The following SHISA9 variants were observed in gnomAD, a reference collection of about 807,000 sequenced individuals.
The protein encoded by SHISA9 is shisa family member 9.
A neutral mutation model predicts 38.0 loss-of-function variants in SHISA9; 13 were observed. The ratio of observed to expected loss-of-function variants is 0.34; its 90% CI spans 0.22 to 0.54. The LOEUF (loss-of-function observed/expected upper bound fraction) is 0.54. SHISA9 is among the 20% of genes least tolerant of loss of function. SHISA9 has a pLI of 0.91. For synonymous variants in SHISA9, 275 were observed against 242.0 expected (o/e 1.14, Z -1.27); for missense variants, 538 against 575.8 (o/e 0.93, Z 0.67).
chr16:13,211,875 G>A (rs1317852557), intron 3 of SHISA9, among the ~76,000 whole-genome samples: 4 of 152,212 alleles, frequency 2.6e-5, no homozygotes, highest in Non-Finnish European at 2.9e-5. Context: ...CATCCACACA[G>A]GAAGAATGGG....
the SHISA9 span, among the ~76,000 whole-genome samples, chr16:13,310,240 A>G: frequency 1.3e-5 from 2 of 152,110 alleles, no homozygotes; most frequent in Non-Finnish European, 2.9e-5. Flanking sequence ...AAGCTTTTCC[A>G]TTCAACTCGT....
intron 2 of SHISA9, among the ~76,000 whole-genome samples, chr16:12,990,944 T>A (rs1352890659): frequency 2.0e-5 from 3 of 152,216 alleles, no homozygotes; most frequent in Non-Finnish European, 4.4e-5. Flanking sequence ...CTTTGAAAGA[T>A]CTTGAAACAC....
At chr16:13,035,786 C>G (rs1031097087) in intron 2 of SHISA9, among the ~76,000 whole-genome samples, 4 of 152,172 alleles carry the variant, frequency 2.6e-5, no homozygotes, top group Admixed American at 6.5e-5. Flanking sequence ...CTGCCAATAA[C>G]TTCCATCATA....
At chr16:12,929,664 G>A (rs997633708) in intron 2 of SHISA9, among the ~76,000 whole-genome samples, 1 of 151,986 alleles carries the variant, frequency 6.6e-6, no homozygotes. Context: ...GAGAGCATCA[G>A]GAAGAAAAGC....
At chr16:13,094,204 T>C (rs2073803475) in intron 2 of SHISA9, among the ~76,000 whole-genome samples, 1 of 152,186 alleles carries the variant, frequency 6.6e-6, no homozygotes, top group Admixed American at 6.5e-5. Context: ...GCTCCTCTGA[T>C]ACGAGTTGTG....
chr16:12,926,577 T>C (rs769345247), intron 2 of SHISA9, among the ~76,000 whole-genome samples: 9 of 152,156 alleles, frequency 5.9e-5, no homozygotes, highest in Non-Finnish European at 1.0e-4. Context: ...AATGGAAAAG[T>C]AATCACGTAA....
chr16:12,934,992 CTGCTGATATGAAT>C (rs60455394), intron 2 of SHISA9, among the ~76,000 whole-genome samples: 40,525 of 151,962 alleles, frequency 0.27, 5,740 homozygotes, highest in Admixed American at 0.36. Context: ...TGGAGCTCTC[CTGCTGATATGAAT>C]TATTCCAACA....
At chr16:13,128,862 A>T (rs1216415396) in intron 2 of SHISA9, among the ~76,000 whole-genome samples, 2 of 152,224 alleles carry the variant, frequency 1.3e-5, no homozygotes, top group African/African-American at 4.8e-5. Context: ...ATGATGGCAC[A>T]GGAACTTGGC....
intron 1 of SHISA9, among the ~76,000 whole-genome samples, chr16:12,903,643 G>A (rs2071052873): frequency 6.6e-6 from 1 of 152,186 alleles, no homozygotes; most frequent in Admixed American, 6.5e-5. Flanking sequence ...GTGAGGTCCG[G>A]GCGGGCGGGG....
chr16:13,365,623 AT>A, the SHISA9 span, among the ~76,000 whole-genome samples: 2 of 151,692 alleles, frequency 1.3e-5, no homozygotes, highest in Non-Finnish European at 1.5e-5. Flanking sequence ...CGCCTGGCTA[AT>A]TTTTTTATAT....
intron 2 of SHISA9, among the ~76,000 whole-genome samples, chr16:13,127,217 G>A (rs2050267735): frequency 7.5e-6 from 1 of 133,924 alleles, no homozygotes; most frequent in South Asian, 2.8e-4. Flanking sequence ...GAGAGGGAAA[G>A]AGAGGGAGGG....
chr16:13,038,931 A>G (rs1334085291), intron 2 of SHISA9, among the ~76,000 whole-genome samples: 1 of 152,148 alleles, frequency 6.6e-6, no homozygotes, highest in East Asian at 1.9e-4. Flanking sequence ...ATTTTTTGAG[A>G]CAGAGTCTCA....
intron 2 of SHISA9, among the ~76,000 whole-genome samples, chr16:12,948,494 T>G (rs780054822): frequency 2.6e-5 from 4 of 152,194 alleles, no homozygotes; most frequent in Non-Finnish European, 4.4e-5. Context: ...ATACCATGAT[T>G]GAGTAGCTCA....
At chr16:12,997,840 A>G (rs1411722830) in intron 2 of SHISA9, among the ~76,000 whole-genome samples, 1 of 152,224 alleles carries the variant, frequency 6.6e-6, no homozygotes. Context: ...ACATTTGTAC[A>G]TAACTTGTTC....
chr16:13,323,718 G>C, the SHISA9 span, among the ~76,000 whole-genome samples: 72 of 152,254 alleles, frequency 4.7e-4, no homozygotes, highest in Admixed American at 1.3e-3. Context: ...TCGAGCAAAG[G>C]GGGGAAGAGC....
chr16:13,026,085 G>A (rs932216307), intron 2 of SHISA9, among the ~76,000 whole-genome samples: 2 of 152,200 alleles, frequency 1.3e-5, no homozygotes, highest in Admixed American at 6.5e-5. Context: ...GATTACAGGC[G>A]TGAGCCACCG....
chr16:13,122,670 T>C (rs144368549), intron 2 of SHISA9, among the ~76,000 whole-genome samples: 128 of 152,360 alleles, frequency 8.4e-4, no homozygotes, highest in African/African-American at 3.0e-3. Context: ...AGACTGTCTG[T>C]TGTGCCAGGC....
chr16:13,263,015 C>G, the SHISA9 span, among the ~76,000 whole-genome samples: 2 of 152,098 alleles, frequency 1.3e-5, no homozygotes, highest in Non-Finnish European at 2.9e-5. Context: ...AATAAGAAGC[C>G]TCTGTTTACT....
the SHISA9 span, among the ~76,000 whole-genome samples, chr16:13,245,461 G>A: frequency 6.6e-6 from 1 of 152,012 alleles, no homozygotes; most frequent in Admixed American, 6.6e-5. Context: ...CTCTATCATT[G>A]GCTGTTATGA....
Sources: allele counts gnomAD v4.1 joint callset (sites outside exome capture counted in the v4.1 genomes callset), GRCh38; gene constraint gnomAD v4.1.1; transcripts MANE v1.5; gene names NCBI Gene and HGNC (gene_info 2026-07-23, HGNC 2026-07-21).